Variants in ASNS observed in about 807,000 individuals in gnomAD.
ASNS encodes asparagine synthetase [glutamine-hydrolyzing].
In ASNS, 37 loss-of-function variants were observed where a neutral mutation model predicts 62.6. The observed-to-expected ratio is 0.59, with a 90% confidence interval of 0.45 to 0.78. The LOEUF (loss-of-function observed/expected upper bound fraction) is 0.78. Ranked by LOEUF, ASNS falls within the 30% of genes least tolerant of loss-of-function variation. The pLI is 0.00. For missense variants in ASNS, 520 were observed against 682.4 expected, an observed-to-expected ratio of 0.76 and a Z score of 2.65; for synonymous variants, 207 against 237.9, an observed-to-expected ratio of 0.87 and a Z score of 1.19.
chr7:97,868,887 A>C, intron 3 of ASNS, 21 bp downstream of exon 3: 5 of 1,611,410 alleles, frequency 3.1e-6, no homozygotes, highest in Non-Finnish European at 4.2e-6. Context: ...GCATCCAGAC[A>C]TCTGGTTTCT....
rs1791213906 is a variant in ASNS at position 97,852,281 on chromosome 7, T to C, written c.1664A>G (p.Tyr555Cys). The C allele has an allele frequency of 2.5e-6, 4 of 1,614,074 alleles. No individual in the cohort carries two copies. The highest frequency in any genetic ancestry group is 1.7e-4 in the Middle Eastern group (1 of 6,060). ...CACCTAAGCTTTGACAGCTGACTTG[T>C]AGTGGGTCAGCGTGCGGGCAGAAGG... Reference protein sequence around the residue: ...TDPSARTLTHYKSAVKA With the variant: ...TDPSARTLTHCKSAVKA The change falls in exon 13 of 13, where the codon TAC becomes TGC. Residue 555 changes from tyrosine to cysteine, a missense_variant. Coordinates refer to ENST00000394308, the MANE Select transcript of ASNS (RefSeq NM_001673.5).
upstream of ASNS, among the ~76,000 whole-genome samples, chr7:97,875,447 G>C: frequency 6.6e-6 from 1 of 152,208 alleles, no homozygotes; most frequent in East Asian, 1.9e-4. Context: ...CCACAGTGAG[G>C]CTTATTCTTG....
At position 97,852,153 on chromosome 7, in the gene ASNS, TCACACCCAAG is replaced by T; in HGVS notation, c.*96_*105del. On this transcript the variant is annotated 3_prime_UTR_variant, in exon 13 of 13. Transcript: ENST00000394308. ...TTTAGATTTAGGACTTTTATTTTTTTCACACCCAAGTTAGCCTGAGTTGACTCTCATTGTT... is the reference window on the plus strand; with the variant it reads ...TTTAGATTTAGGACTTTTATTTTTTTTTAGCCTGAGTTGACTCTCATTGTT... The T allele has an allele frequency of 3.9e-6, 5 of 1,287,218 alleles. No homozygotes were observed. Among genetic ancestry groups the T allele is most frequent in the Middle Eastern group, 2.6e-4 (1 of 3,778 alleles). 79.7% of individuals were successfully genotyped at this position (1,287,218 alleles called of 1,614,324 possible).
the ASNS span, among the ~76,000 whole-genome samples, chr7:97,924,832 G>A: frequency 6.6e-6 from 1 of 151,982 alleles, no homozygotes; most frequent in Non-Finnish European, 1.5e-5. Flanking sequence ...TTTGTGCTTT[G>A]TCTGTGTTAC....
In ASNS at chr7:97,852,185, T is replaced by C; in HGVS notation, c.*74A>G. ...CAAGTTAGCCTGAGTTGACTCTCAT[T>C]GTTCCCCTATCTACCCACAGTCCCC... On this transcript the variant is annotated 3_prime_UTR_variant, in exon 13 of 13. Transcript: ENST00000394308. 1 of 1,522,450 alleles carries C rather than the reference T, an allele frequency of 6.6e-7. No homozygotes were observed. The highest frequency in any genetic ancestry group is 1.4e-5 in the African/African-American group (1 of 72,900). 94.3% of individuals were successfully genotyped at this position (1,522,450 alleles called of 1,614,324 possible). A position where few individuals can be genotyped will look rare whatever the true frequency, so the allele number is the denominator to read the frequency against.
At chr7:97,920,786 C>T in the ASNS span, among the ~76,000 whole-genome samples, 3 of 152,242 alleles carry the variant, frequency 2.0e-5, no homozygotes, top group African/African-American at 7.2e-5. Context: ...TTGAGACAGA[C>T]ACTTAAATAT....
At chr7:97,892,350 C>A in the ASNS span, among the ~76,000 whole-genome samples, 1 of 152,074 alleles carries the variant, frequency 6.6e-6, no homozygotes, top group African/African-American at 2.4e-5. Flanking sequence ...GCCATGAAGA[C>A]CTGTGACATG....
chr7:97,904,313 CACACAG>C, the ASNS span, among the ~76,000 whole-genome samples: 2 of 146,182 alleles, frequency 1.4e-5, no homozygotes, highest in African/African-American at 2.6e-5. Flanking sequence ...CACACACACA[CACACAG>C]AGAGAGAGAA....
At chr7:97,913,637 C>T in the ASNS span, among the ~76,000 whole-genome samples, 1 of 151,612 alleles carries the variant, frequency 6.6e-6, no homozygotes, top group Non-Finnish European at 1.5e-5. Context: ...AAAATCAAAG[C>T]ACAGTTTCTA....
the ASNS span, among the ~76,000 whole-genome samples, chr7:97,880,083 T>C: frequency 6.6e-6 from 1 of 152,052 alleles, no homozygotes; most frequent in Non-Finnish European, 1.5e-5. Flanking sequence ...CAGGACATCG[T>C]GAGCTTTCTT....
chr7:97,901,595 G>T, the ASNS span, among the ~76,000 whole-genome samples: 1 of 152,222 alleles, frequency 6.6e-6, no homozygotes, highest in Non-Finnish European at 1.5e-5. Context: ...AACTCTGGAA[G>T]TATAGAAGAT....
the ASNS span, among the ~76,000 whole-genome samples, chr7:97,927,585 T>C: frequency 1.0e-4 from 16 of 152,392 alleles, no homozygotes; most frequent in Non-Finnish European, 1.5e-5. Context: ...TCCTGGTCTT[T>C]GGCAGAGTCC....
At chr7:97,920,945 T>C in the ASNS span, among the ~76,000 whole-genome samples, 3 of 152,208 alleles carry the variant, frequency 2.0e-5, no homozygotes, top group African/African-American at 7.2e-5. Flanking sequence ...CCGGCCTCAC[T>C]GGGTTTTGTA....
intron 1 of ASNS, among the ~76,000 whole-genome samples, chr7:97,870,689 A>G (rs1286248630): frequency 6.6e-6 from 1 of 152,240 alleles, no homozygotes; most frequent in African/African-American, 2.4e-5. Context: ...GATGACTACT[A>G]ATAAGCCATC....
Position 97,864,274 on chromosome 7 carries a change from A to G in ASNS, c.472T>C (p.Cys158Arg). The change falls in exon 4 of 13, where the codon TGT (cysteine) becomes CGT (arginine). Residue 158 changes from cysteine (C) to arginine (R), a missense_variant. Coordinates refer to ENST00000394308, the MANE Select transcript of ASNS (RefSeq NM_001673.5). ...AMTEDGFLAV[C>R]SEAKGLVTLK... Reference sequence around the variant, plus strand: ...TTATTATTACCTTTAGCTTCTGAACATACAGCCAAAAATCCATCTTCTGTC... The same window carrying G: ...TTATTATTACCTTTAGCTTCTGAACGTACAGCCAAAAATCCATCTTCTGTC... 1 of 1,613,404 alleles carries G rather than the reference A, an allele frequency of 6.2e-7. No homozygotes were observed. The highest frequency in any genetic ancestry group is 1.7e-4 in the Middle Eastern group (1 of 6,050).
chr7:97,899,229 G>A, the ASNS span: 6 of 196,604 alleles, frequency 3.1e-5, no homozygotes, highest in East Asian at 1.4e-4. Context: ...TGATCTGCCC[G>A]CCTCAGCCTC....
chr7:97,923,134 G>T, the ASNS span, among the ~76,000 whole-genome samples: 73 of 152,092 alleles, frequency 4.8e-4, no homozygotes, highest in African/African-American at 1.6e-3. Context: ...TTAAAACATA[G>T]ATTATTTCTA....
In ASNS at chr7:97,868,001, C is replaced by A. The variant is rs376413106; in HGVS notation, c.249+907G>T. Among the ~76,000 whole-genome samples the A allele has an allele frequency of 3.1e-3, 478 of 152,206 alleles. 1 individual carries two copies. The highest frequency in any genetic ancestry group is 0.011 in the African/African-American group (458 of 41,512). ...GAAACATACCAACCAAATGCATGAA[C>A]CTTGAATGAAATCTGGCTCAAAACA... On this transcript the variant is annotated intron_variant, in intron 3 of 12. Coordinates refer to ENST00000394308, the MANE Select transcript of ASNS (RefSeq NM_001673.5).
intron 3 of ASNS, among the ~76,000 whole-genome samples, chr7:97,868,396 CTTAGGT>C (rs989539814): frequency 6.6e-6 from 1 of 152,102 alleles, no homozygotes; most frequent in African/African-American, 2.4e-5. Flanking sequence ...ATTATGGACT[CTTAGGT>C]TTAATAATGG....
Sources: gnomAD v4.1 joint callset for allele counts (sites outside exome capture counted in the v4.1 genomes callset) on GRCh38, gnomAD v4.1.1 for gene constraint, MANE v1.5 for transcripts, NCBI Gene and HGNC (gene_info 2026-07-23, HGNC 2026-07-21) for gene names.